The following NCAM2 variants were observed in gnomAD, a reference collection of about 807,000 sequenced individuals.
NCAM2 encodes neural cell adhesion molecule 2.
A neutral mutation model predicts 98.1 loss-of-function variants in NCAM2; 30 were observed. The observed-to-expected ratio is 0.31, with a 90% CI of 0.23 to 0.41. The LOEUF (loss-of-function observed/expected upper bound fraction) is 0.41, where lower values mean the gene tolerates loss of function less well. NCAM2 is among the 10% of genes least tolerant of loss of function. The pLI, the probability that NCAM2 is intolerant of heterozygous loss-of-function variation, is 1.00. For synonymous variants in NCAM2, 368 were observed against 342.4 expected (o/e 1.07, Z -0.83); for missense variants, 867 against 1,005.8 (o/e 0.86, Z 1.87).
chr21:21,149,971 G>T (rs148620179), intron 1 of NCAM2, among the ~76,000 whole-genome samples: 1 of 152,046 alleles, frequency 6.6e-6, no homozygotes, highest in Non-Finnish European at 1.5e-5. Flanking sequence ...TCTAGTTCTA[G>T]ATCCTTTAGG....
At chr21:21,375,814 A>C (rs549440984) in intron 9 of NCAM2, among the ~76,000 whole-genome samples, 3 of 151,768 alleles carry the variant, frequency 2.0e-5, no homozygotes, top group Non-Finnish European at 4.4e-5. Context: ...CCACTGTCCT[A>C]CAAAAGTGCT....
intron 12 of NCAM2, among the ~76,000 whole-genome samples, chr21:21,456,449 C>A (rs1380999798): frequency 1.3e-5 from 2 of 152,118 alleles, no homozygotes; most frequent in African/African-American, 4.8e-5. Context: ...GCTAGCAATT[C>A]ATGAGGATAA....
chr21:21,208,131 T>C (rs1247082209), intron 1 of NCAM2, among the ~76,000 whole-genome samples: 1 of 152,174 alleles, frequency 6.6e-6, no homozygotes, highest in Non-Finnish European at 1.5e-5. Context: ...CCCTTTGAAG[T>C]TAATTACAAT....
At chr21:21,036,123 T>A (rs948051445) in intron 1 of NCAM2, among the ~76,000 whole-genome samples, 2 of 152,200 alleles carry the variant, frequency 1.3e-5, no homozygotes, top group Non-Finnish European at 2.9e-5. Flanking sequence ...ATTTAGAATT[T>A]GAAACTTGAT....
chr21:21,075,915 A>G (rs9976909), intron 1 of NCAM2, among the ~76,000 whole-genome samples: 14,849 of 152,016 alleles, frequency 0.098, 786 homozygotes, highest in East Asian at 0.19. Context: ...TCAGGAGTTC[A>G]AGAACAGTTT....
chr21:21,375,954 A>G (rs2076023823), intron 9 of NCAM2, among the ~76,000 whole-genome samples: 1 of 151,864 alleles, frequency 6.6e-6, no homozygotes, highest in African/African-American at 2.4e-5. Context: ...GGTCCTCAGA[A>G]AAGTGGAGTT....
At chr21:21,285,476 C>G (rs546362698) in intron 3 of NCAM2, among the ~76,000 whole-genome samples, 1 of 151,926 alleles carries the variant, frequency 6.6e-6, no homozygotes, top group Admixed American at 6.6e-5. Flanking sequence ...ATGTAACCCC[C>G]TAGAGTATCT....
intron 1 of NCAM2, among the ~76,000 whole-genome samples, chr21:21,211,090 T>C (rs2069644918): frequency 6.6e-6 from 1 of 151,784 alleles, no homozygotes. Context: ...ATTTTAAGAA[T>C]CTTAAACTCT....
intron 1 of NCAM2, among the ~76,000 whole-genome samples, chr21:21,249,746 C>T (rs1238606801): frequency 2.6e-5 from 4 of 152,030 alleles, no homozygotes; most frequent in Non-Finnish European, 5.9e-5. Context: ...CTACAAGGAA[C>T]AAGAGATTTT....
intron 1 of NCAM2, among the ~76,000 whole-genome samples, chr21:21,274,801 C>G (rs1479434604): frequency 6.6e-6 from 1 of 152,084 alleles, no homozygotes; most frequent in Non-Finnish European, 1.5e-5. Flanking sequence ...AAGTTATCTC[C>G]ACATGTCTTA....
chr21:21,198,484 A>G (rs2069093473), intron 1 of NCAM2, among the ~76,000 whole-genome samples: 2 of 152,196 alleles, frequency 1.3e-5, no homozygotes, highest in African/African-American at 2.4e-5. Flanking sequence ...CCTTATAGAA[A>G]GATGAATTAA....
At chr21:21,429,261 T>C (rs1279505299) in intron 11 of NCAM2, among the ~76,000 whole-genome samples, 1 of 152,232 alleles carries the variant, frequency 6.6e-6, no homozygotes, top group Non-Finnish European at 1.5e-5. Flanking sequence ...ACAAAGGCTC[T>C]TCTTTCTCTG....
intron 6 of NCAM2, among the ~76,000 whole-genome samples, chr21:21,326,220 A>G (rs1308166750): frequency 6.6e-6 from 1 of 152,160 alleles, no homozygotes; most frequent in Admixed American, 6.5e-5. Context: ...ATATGACACC[A>G]GGTTTAAGAA....
chr21:21,395,686 T>G lies in NCAM2; in HGVS notation c.1196-14588T>G, dbSNP rs567523638. On this transcript the variant is annotated intron_variant, in intron 9 of 17. Transcript: ENST00000400546. The stretch of plus-strand genomic sequence containing the variant: ...AGACACACAGTCCAATGGAACAAAA[T>G]AGAGAACTCAGAAACAAAGCCAAAT... Among the ~76,000 whole-genome samples the G allele has an allele frequency of 1.7e-3, 252 of 152,054 alleles. 1 individual carries two copies. Among genetic ancestry groups the G allele is most frequent in the African/African-American group, 5.9e-3 (245 of 41,484 alleles).
chr21:21,466,357 T>C (rs934716139), intron 12 of NCAM2, among the ~76,000 whole-genome samples: 11 of 151,964 alleles, frequency 7.2e-5, no homozygotes, highest in African/African-American at 2.7e-4. Context: ...GTGTCACAAA[T>C]GAAACGGGTA....
At chr21:21,113,365 G>A (rs960703902) in intron 1 of NCAM2, among the ~76,000 whole-genome samples, 5 of 151,664 alleles carry the variant, frequency 3.3e-5, no homozygotes, top group Admixed American at 6.6e-5. Flanking sequence ...AAGAATGTCC[G>A]TCAAGAGGCA....
At chr21:21,333,561 G>T (rs1602013519) in intron 6 of NCAM2, among the ~76,000 whole-genome samples, 1 of 152,280 alleles carries the variant, frequency 6.6e-6, no homozygotes, top group East Asian at 1.9e-4. Flanking sequence ...GAAGTAAGGA[G>T]ATAACCCTCT....
intron 1 of NCAM2, among the ~76,000 whole-genome samples, chr21:21,125,383 A>ATTTTACATATATATGTAATATATAATC (rs2066770658): frequency 6.8e-6 from 1 of 146,572 alleles, no homozygotes; most frequent in Non-Finnish European, 1.5e-5. Context: ...AATATATAAT[A>ATTTTACATATATATGTAATATATAATC]TTTTACATAT....
intron 8 of NCAM2, among the ~76,000 whole-genome samples, chr21:21,350,724 G>A (rs1435108549): frequency 6.6e-6 from 1 of 152,046 alleles, no homozygotes. Context: ...AATAATATAT[G>A]CAATTTTTAA....
Sources: gnomAD v4.1 joint callset for allele counts (sites outside exome capture counted in the v4.1 genomes callset) on GRCh38, gnomAD v4.1.1 for gene constraint, MANE v1.5 for transcripts, NCBI Gene and HGNC (gene_info 2026-07-23, HGNC 2026-07-21) for gene names.